Variants in CNTRL observed in about 807,000 individuals in gnomAD.
CNTRL encodes 110 kDa centrosomal protein.
A neutral mutation model predicts 303.7 loss-of-function variants in CNTRL; 233 were observed. The ratio of observed to expected loss-of-function variants is 0.77; its 90% CI spans 0.69 to 0.86. CNTRL has a LOEUF of 0.86. Ranked by LOEUF, CNTRL falls within the 40% of genes least tolerant of loss-of-function variation. The pLI is 0.00. For missense variants in CNTRL, 2,524 were observed against 2,650.6 expected (o/e 0.95, Z 1.05); for synonymous variants, 900 against 922.2 (o/e 0.98, Z 0.44).
intron 19 of CNTRL, 35 bp from the exon 20 acceptor site, chr9:121,143,868 A>T: frequency 6.6e-7 from 1 of 1,517,492 alleles, no homozygotes; most frequent in Non-Finnish European, 9.0e-7. Flanking sequence ...CTGCCAAATG[A>T]TTCATCTGTT....
At position 121,168,212 on chromosome 9, in the gene CNTRL, C is replaced by G; in HGVS notation, c.5961C>G (p.Ser1987Arg). 6.2e-7 allele frequency: 1 copy of G among 1,614,128 alleles called. No homozygotes were observed. The highest frequency in any genetic ancestry group is 1.3e-5 in the African/African-American group (1 of 75,030). The change falls in exon 38 of 44, where the codon AGC (serine) becomes AGG (arginine). Residue 1987 changes from serine (S) to arginine (R), a missense_variant. Ser to Arg is a moderately radical substitution (Grantham distance 110). Transcript: ENST00000373855. ...QLEKELTDQK[S>R]KLDQVLSKVL... is the part of the protein sequence containing the mutation. ...AAAAGGAATTAACAGACCAGAAAAG[C>G]AAACTGGACCAAGTGCTCTCAAAGG...
At chr9:121,086,731 C>A (rs1327254662) in intron 2 of CNTRL, among the ~76,000 whole-genome samples, 1 of 151,102 alleles carries the variant, frequency 6.6e-6, no homozygotes, top group African/African-American at 2.4e-5. Flanking sequence ...GCTTCTGCCT[C>A]CTGGGTTCAA....
intron 34 of CNTRL, among the ~76,000 whole-genome samples, chr9:121,163,177 C>CAA (rs201417738): frequency 1.4e-4 from 16 of 112,304 alleles, no homozygotes; most frequent in East Asian, 1.2e-3. Context: ...CTGTCTCTGC[C>CAA]AAAAAAAAAA....
In CNTRL at chr9:121,157,885, G is replaced by T; in HGVS notation, c.4637+5G>T. The T allele has an allele frequency of 6.2e-7, 1 of 1,613,960 alleles. No individual in the cohort carries two copies. Reference sequence around the variant, plus strand: ...GAAGGAAAAACTGACAGAAGAGTAAGTAAGGCCTCTGTAGGGCTACAAGGG... The same window carrying T: ...GAAGGAAAAACTGACAGAAGAGTAATTAAGGCCTCTGTAGGGCTACAAGGG... On this transcript the variant is annotated splice_donor_5th_base_variant and intron_variant, in intron 29 of 43. Transcript: ENST00000373855.
chr9:121,111,747 A>C (rs1297480886), intron 8 of CNTRL, among the ~76,000 whole-genome samples: 1 of 152,140 alleles, frequency 6.6e-6, no homozygotes, highest in Non-Finnish European at 1.5e-5. Flanking sequence ...TCAGTTCATC[A>C]ATCTGAGACT....
chr9:121,108,109 C>A (rs1409399133), intron 8 of CNTRL, 114 bp downstream of exon 8: 1 of 649,112 alleles, frequency 1.5e-6, no homozygotes, highest in Non-Finnish European at 2.5e-6. Flanking sequence ...TGTGGTTTAA[C>A]AGAAATATGT....
intron 11 of CNTRL, among the ~76,000 whole-genome samples, chr9:121,117,540 T>C (rs1387533498): frequency 6.6e-6 from 1 of 152,204 alleles, no homozygotes; most frequent in Non-Finnish European, 1.5e-5. Flanking sequence ...TCAGTGAAAT[T>C]GTCTAGAGTC....
chr9:121,124,454 A>G (rs957687053), intron 13 of CNTRL, among the ~76,000 whole-genome samples: 2 of 152,166 alleles, frequency 1.3e-5, no homozygotes, highest in Admixed American at 1.3e-4. Context: ...TTTAGGATCT[A>G]GTTTTGCAAT....
At chr9:121,168,407 AC>A in intron 38 of CNTRL, 86 bp downstream of exon 38, 1 of 1,197,808 alleles carries the variant, frequency 8.3e-7, no homozygotes, top group Non-Finnish European at 1.2e-6. Flanking sequence ...AGAGATCCGG[AC>A]CCCAGCCAGA....
intron 7 of CNTRL, among the ~76,000 whole-genome samples, chr9:121,105,020 G>GT (rs1238961099): frequency 1.3e-5 from 2 of 152,092 alleles, no homozygotes; most frequent in Non-Finnish European, 2.9e-5. Flanking sequence ...GCCATTGACA[G>GT]TTTTTTAAAA....
chr9:121,121,964 TTC>T (rs537596809), intron 12 of CNTRL: 3 of 980,820 alleles, frequency 3.1e-6, no homozygotes, highest in African/African-American at 3.5e-5. Flanking sequence ...ATGATATTTT[TTC>T]TCTCTCTGTA....
At chr9:121,090,249 A>G in intron 3 of CNTRL, 26 bp from the exon 4 acceptor site, 2 of 1,576,388 alleles carry the variant, frequency 1.3e-6, no homozygotes, top group Non-Finnish European at 1.7e-6. Flanking sequence ...TCCTCTACTG[A>G]TGATGATCTG....
intron 14 of CNTRL, among the ~76,000 whole-genome samples, chr9:121,133,784 AAC>A (rs529763027): frequency 3.0e-4 from 46 of 152,316 alleles, no homozygotes; most frequent in Non-Finnish European, 6.3e-4. Flanking sequence ...GCCATCTCGG[AAC>A]GGGATTCAAT....
intron 31 of CNTRL, among the ~76,000 whole-genome samples, chr9:121,159,639 C>T (rs1346575390): frequency 6.7e-6 from 1 of 149,984 alleles, no homozygotes; most frequent in African/African-American, 2.5e-5. Flanking sequence ...GAGCCGAGAT[C>T]GTGCCACTGC....
Position 121,171,340 on chromosome 9 carries a change from G to C in CNTRL, c.6277-68G>C, listed in dbSNP as rs188229005. The C allele has an allele frequency of 1.1e-4, 166 of 1,547,608 alleles. 1 individual carries two copies. Among genetic ancestry groups the C allele is most frequent in the Admixed American group, 1.0e-4 (6 of 59,594 alleles). On this transcript the variant is annotated intron_variant, in intron 39 of 43. Coordinates refer to ENST00000373855, the MANE Select transcript of CNTRL (RefSeq NM_007018.6). ...GGGAATGAAGTTATAGAGCTAGTGA[G>C]TGTGTAAGCCAGCAAACCACACCTC...
chr9:121,088,489 C>G lies in CNTRL; in HGVS notation c.163C>G (p.Gln55Glu), dbSNP rs765760399. The G allele has an allele frequency of 3.7e-6, 6 of 1,612,930 alleles. No individual in the cohort carries two copies. Among genetic ancestry groups the G allele is most frequent in the Non-Finnish European group, 5.1e-6 (6 of 1,179,030 alleles). The change falls in exon 3 of 44, where the codon CAA becomes GAA. Residue 55 changes from glutamine (Q) to glutamate (E), a missense_variant. Transcript: ENST00000373855. The part of the protein sequence containing the change: ...PFHSGGQWCE[Q>E]VEIADENNML... The stretch of plus-strand genomic sequence containing the variant: ...TCATTCTGGAGGACAGTGGTGTGAG[C>G]AAGTTGAGATTGCAGATGAAAACAA...
At position 121,173,250 on chromosome 9, in the gene CNTRL, A is replaced by G; in HGVS notation, c.6425A>G (p.Asn2142Ser). 6.2e-7 allele frequency: 1 copy of G among 1,606,334 alleles called. No individual in the cohort carries two copies. The highest frequency in any genetic ancestry group is 1.1e-5 in the South Asian group (1 of 89,474). Residue 2142 changes from asparagine (N) to serine (S), a missense_variant, in exon 41 of 44, where the codon AAC (asparagine) becomes AGC (serine). Physicochemically the swap from Asn to Ser is conservative, Grantham distance 46. Transcript: ENST00000373855. Reference sequence around the variant, plus strand: ...CACCAACTCACTGTTTAGATGGCAAACCAAAAAGATTTGGAGAGAAGACAA... The same window carrying G: ...CACCAACTCACTGTTTAGATGGCAAGCCAAAAAGATTTGGAGAGAAGACAA... ...EYTELKKQMANQKDLERRQME... is the reference protein window; with the variant it reads ...EYTELKKQMASQKDLERRQME...
Position 121,173,667 on chromosome 9 carries a change from T to C in CNTRL, c.6685-8T>C. On this transcript the variant is annotated splice_region_variant and splice_polypyrimidine_tract_variant and intron_variant, in intron 41 of 43. Coordinates refer to ENST00000373855, the MANE Select transcript of CNTRL (RefSeq NM_007018.6). ...ATTCATGATATCTCTATTTTCCCTC[T>C]GAGAAAGGATGAACACTGGCGTGGA... 6.2e-7 allele frequency: 1 copy of C among 1,613,948 alleles called. No homozygotes were observed. The highest frequency in any genetic ancestry group is 8.5e-7 in the Non-Finnish European group (1 of 1,179,848).
At chr9:121,119,313 CTTT>C (rs573341305) in intron 12 of CNTRL, among the ~76,000 whole-genome samples, 3 of 137,030 alleles carry the variant, frequency 2.2e-5, no homozygotes, top group Non-Finnish European at 4.7e-5. Context: ...CTCTCTCTCT[CTTT>C]TTTTTTTTTT....
Sources: gnomAD v4.1 joint callset for allele counts (sites outside exome capture counted in the v4.1 genomes callset) on GRCh38, gnomAD v4.1.1 for gene constraint, MANE v1.5 for transcripts, NCBI Gene and HGNC (gene_info 2026-07-23, HGNC 2026-07-21) for gene names.